Variants in ADGRB3 observed in about 807,000 individuals in gnomAD.
The protein encoded by ADGRB3 is brain-specific angiogenesis inhibitor 3.
A neutral mutation model predicts 193.4 loss-of-function variants in ADGRB3; 37 were observed. The observed-to-expected ratio is 0.19, with a 90% CI of 0.15 to 0.25. The LOEUF (loss-of-function observed/expected upper bound fraction) is 0.25. Among genes scored for constraint, ADGRB3 ranks in the 10% least tolerant of loss-of-function variants. The probability of loss-of-function intolerance (pLI) is 1.00; values close to 1 mark genes in which losing one functional copy is unlikely to be tolerated. For missense variants in ADGRB3, 1,637 were observed against 1,852.9 expected (o/e 0.88, Z 2.14); for synonymous variants, 690 against 644.2 (o/e 1.07, Z -1.08).
chr6:68,889,679 T>C (rs1766017906), intron 3 of ADGRB3, among the ~76,000 whole-genome samples: 1 of 152,016 alleles, frequency 6.6e-6, no homozygotes, highest in South Asian at 2.1e-4. Context: ...ATTTTTTGTA[T>C]TTTTAGTAGA....
At chr6:68,946,886 T>C (rs1767788657) in intron 6 of ADGRB3, among the ~76,000 whole-genome samples, 1 of 152,126 alleles carries the variant, frequency 6.6e-6, no homozygotes, top group Non-Finnish European at 1.5e-5. Flanking sequence ...ATGAAATACT[T>C]TTATGTATTC....
At chr6:68,840,097 G>A (rs1768122449) in intron 3 of ADGRB3, among the ~76,000 whole-genome samples, 1 of 152,066 alleles carries the variant, frequency 6.6e-6, no homozygotes, top group Non-Finnish European at 1.5e-5. Context: ...CTAATACTCT[G>A]GGATTCTAAA....
intron 17 of ADGRB3, among the ~76,000 whole-genome samples, chr6:69,100,691 A>G (rs1000053050): frequency 3.3e-5 from 5 of 151,794 alleles, no homozygotes; most frequent in Admixed American, 3.3e-4. Context: ...ACAACTTAAA[A>G]ATATGTATAA....
intron 6 of ADGRB3, among the ~76,000 whole-genome samples, chr6:68,948,601 A>T (rs1348827380): frequency 6.6e-6 from 1 of 152,068 alleles, no homozygotes; most frequent in African/African-American, 2.4e-5. Context: ...TTTTCTTTAT[A>T]GCTTTTTACT....
In ADGRB3 at chr6:68,809,741, A is replaced by G. The variant is rs149369576; in HGVS notation, c.758-120818A>G. ...AGTGATTAATTATTAATGAAAAAACACAGGTCCTGTGGATCTCTTTTTAAC... is the reference window on the plus strand; with the variant it reads ...AGTGATTAATTATTAATGAAAAAACGCAGGTCCTGTGGATCTCTTTTTAAC... On this transcript the variant is annotated intron_variant, in intron 3 of 31. Coordinates refer to ENST00000370598, the MANE Select transcript of ADGRB3 (RefSeq NM_001704.3). Among the ~76,000 whole-genome samples, 506 of 152,324 alleles carry G rather than the reference A, an allele frequency of 3.3e-3. 2 individuals carry two copies. Among genetic ancestry groups the G allele is most frequent in the African/African-American group, 0.011 (461 of 41,578 alleles).
intron 17 of ADGRB3, among the ~76,000 whole-genome samples, chr6:69,179,850 G>C (rs1775533730): frequency 6.6e-6 from 1 of 152,190 alleles, no homozygotes; most frequent in Non-Finnish European, 1.5e-5. Context: ...TCTGTGGCCT[G>C]TAATGACTAG....
intron 3 of ADGRB3, among the ~76,000 whole-genome samples, chr6:68,665,295 T>A (rs535221329): frequency 4.6e-5 from 7 of 152,026 alleles, no homozygotes; most frequent in African/African-American, 1.7e-4. Flanking sequence ...GGTATTTTCA[T>A]TTCTTTGCTG....
chr6:69,207,080 A>G (rs1245744260), intron 17 of ADGRB3, among the ~76,000 whole-genome samples: 1 of 152,080 alleles, frequency 6.6e-6, no homozygotes, highest in African/African-American at 2.4e-5. Flanking sequence ...GCCAGCCAAC[A>G]CTGTTACTCC....
At position 69,118,039 on chromosome 6, in the gene ADGRB3, A is replaced by T. The variant is rs3799040; in HGVS notation, c.2480+42001A>T. Among the ~76,000 whole-genome samples the T allele has an allele frequency of 3.9e-5, 6 of 152,312 alleles. No homozygotes were observed. The East Asian group carries it at 1.2e-3, about 29-fold the overall frequency. ...ACAGCATAATTAACACTTTAGACTCAAGTCTATGTTATATAATAAGAGCTG... is the reference window on the plus strand; with the variant it reads ...ACAGCATAATTAACACTTTAGACTCTAGTCTATGTTATATAATAAGAGCTG... On this transcript the variant is annotated intron_variant, in intron 17 of 31. Coordinates refer to ENST00000370598, the MANE Select transcript of ADGRB3 (RefSeq NM_001704.3).
At chr6:69,342,347 TC>T (rs1211828100) in intron 26 of ADGRB3, among the ~76,000 whole-genome samples, 1 of 152,122 alleles carries the variant, frequency 6.6e-6, no homozygotes, top group Non-Finnish European at 1.5e-5. Flanking sequence ...ATCACATATT[TC>T]TTTTTTTTAA....
At chr6:69,299,953 A>G (rs961233346) in intron 20 of ADGRB3, among the ~76,000 whole-genome samples, 4 of 151,832 alleles carry the variant, frequency 2.6e-5, no homozygotes, top group Non-Finnish European at 4.4e-5. Context: ...ATTGCATTGA[A>G]TCTGTAGATT....
At chr6:69,167,603 A>G (rs780300038) in intron 17 of ADGRB3, among the ~76,000 whole-genome samples, 5 of 152,102 alleles carry the variant, frequency 3.3e-5, no homozygotes, top group Admixed American at 6.6e-5. Context: ...TCTCACGCCA[A>G]TTCTAAATAA....
At chr6:68,840,864 T>C (rs1768145740) in intron 3 of ADGRB3, among the ~76,000 whole-genome samples, 1 of 152,096 alleles carries the variant, frequency 6.6e-6, no homozygotes. Flanking sequence ...AGAAATACAC[T>C]ACACCTGTAA....
intron 18 of ADGRB3, among the ~76,000 whole-genome samples, chr6:69,234,654 A>C (rs1469022485): frequency 6.6e-6 from 1 of 152,186 alleles, no homozygotes; most frequent in African/African-American, 2.4e-5. Flanking sequence ...ATATTGTGAA[A>C]TGACTAACCT....
chr6:69,274,216 A>G (rs753763741), intron 20 of ADGRB3, among the ~76,000 whole-genome samples: 9 of 152,226 alleles, frequency 5.9e-5, no homozygotes, highest in East Asian at 1.9e-4. Context: ...AATGTTTGCT[A>G]TGCCGATACA....
intron 20 of ADGRB3, among the ~76,000 whole-genome samples, chr6:69,321,059 A>C (rs958376980): frequency 6.6e-6 from 1 of 151,438 alleles, no homozygotes; most frequent in Non-Finnish European, 1.5e-5. Context: ...CCAATACCTA[A>C]TTTTGGGCTA....
At chr6:68,797,248 C>A (rs1248448376) in intron 3 of ADGRB3, among the ~76,000 whole-genome samples, 1 of 152,168 alleles carries the variant, frequency 6.6e-6, no homozygotes, top group Non-Finnish European at 1.5e-5. Flanking sequence ...TAGCAGTTCA[C>A]TGCCCAGTGA....
chr6:68,691,376 G>A (rs898299562), intron 3 of ADGRB3, among the ~76,000 whole-genome samples: 1 of 152,010 alleles, frequency 6.6e-6, no homozygotes, highest in African/African-American at 2.4e-5. Flanking sequence ...GCATTTGGTC[G>A]ATTGATAGAT....
chr6:69,074,967 A>G lies in ADGRB3; in HGVS notation c.2437-1028A>G, dbSNP rs191303706. On this transcript the variant is annotated intron_variant, in intron 16 of 31. Transcript: ENST00000370598. ...TAATGACACAAAACTTAAAAGCAAT[A>G]CTGAATGGGTGGGATGCCAAAATCA... 5.9e-5 allele frequency among the ~76,000 whole-genome samples: 9 copies of G among 152,298 alleles called. No homozygotes were observed. The East Asian group carries it at 1.7e-3, about 29-fold the overall frequency.
Sources: gnomAD v4.1 joint callset for allele counts (sites outside exome capture counted in the v4.1 genomes callset) on GRCh38, gnomAD v4.1.1 for gene constraint, MANE v1.5 for transcripts, NCBI Gene and HGNC (gene_info 2026-07-23, HGNC 2026-07-21) for gene names.